Variants in GPC6 observed in about 807,000 individuals in gnomAD.
The protein encoded by GPC6 is glypican 6, also known as glypican-6.
GPC6 carries 14 observed loss-of-function variants against 55.2 expected under a neutral mutation model. That is an observed-to-expected ratio of 0.25 (90% CI 0.17 to 0.40). GPC6 has a LOEUF of 0.40. Among genes scored for constraint, GPC6 ranks in the 10% least tolerant of loss-of-function variants. The probability of loss-of-function intolerance (pLI) is 1.00; values close to 1 mark genes in which losing one functional copy is unlikely to be tolerated. For missense variants in GPC6, 641 were observed against 708.5 expected, an observed-to-expected ratio of 0.90 and a Z score of 1.08; for synonymous variants, 278 against 259.6, an observed-to-expected ratio of 1.07 and a Z score of -0.68.
At chr13:93,238,847 C>G (rs1377354048) in intron 1 of GPC6, among the ~76,000 whole-genome samples, 2 of 151,928 alleles carry the variant, frequency 1.3e-5, no homozygotes, top group Non-Finnish European at 2.9e-5. Flanking sequence ...GCTAAAATGA[C>G]CATATAGCTT....
chr13:93,302,985 A>G (rs747223808), intron 1 of GPC6, among the ~76,000 whole-genome samples: 4 of 152,234 alleles, frequency 2.6e-5, no homozygotes, highest in Admixed American at 6.5e-5. Context: ...AAAACAGAAC[A>G]TAAGCTAAAC....
At chr13:93,738,351 A>C (rs1201505114) in intron 2 of GPC6, among the ~76,000 whole-genome samples, 1 of 152,170 alleles carries the variant, frequency 6.6e-6, no homozygotes, top group African/African-American at 2.4e-5. Context: ...CGGGCTTGGT[A>C]AAATGATCAC....
intron 1 of GPC6, among the ~76,000 whole-genome samples, chr13:93,285,618 G>C (rs1042988773): frequency 1.8e-5 from 1 of 56,196 alleles, no homozygotes; most frequent in Non-Finnish European, 3.5e-5. Flanking sequence ...ATATACTGCT[G>C]TGTGTGTGTG....
At chr13:94,336,288 A>G (rs182717504) in intron 6 of GPC6, among the ~76,000 whole-genome samples, 1 of 152,294 alleles carries the variant, frequency 6.6e-6, no homozygotes, top group Admixed American at 6.5e-5. Flanking sequence ...CTGTTGAAAT[A>G]TGAACCAAGC....
chr13:94,024,536 C>T (rs1566302205), intron 3 of GPC6, among the ~76,000 whole-genome samples: 1 of 152,150 alleles, frequency 6.6e-6, no homozygotes. Context: ...AGCTTCGACT[C>T]TGATCCCCTG....
chr13:94,365,240 T>C (rs1161780665), intron 6 of GPC6, among the ~76,000 whole-genome samples: 1 of 152,226 alleles, frequency 6.6e-6, no homozygotes, highest in Non-Finnish European at 1.5e-5. Context: ...AGCTAAATCA[T>C]ACTCTTCTCT....
rs1278925493 is a variant in GPC6 at position 93,789,503 on chromosome 13, C to A, written c.320-40651C>A. On this transcript the variant is annotated intron_variant, in intron 2 of 8. Coordinates refer to ENST00000377047, the MANE Select transcript of GPC6 (RefSeq NM_005708.5). Reference sequence around the variant, plus strand: ...GTGAACTCTCTCTCTCTCTCTCTCTCTCTCTCTATATATATATATATATAT... The same window carrying A: ...GTGAACTCTCTCTCTCTCTCTCTCTATCTCTCTATATATATATATATATAT... 1.6e-3 allele frequency among the ~76,000 whole-genome samples: 124 copies of A among 78,532 alleles called. 1 individual carries two copies. In the East Asian group the frequency reaches 0.028, roughly 18 times the overall value. The allele number at this position is 78,532 out of a possible 152,430, so 51.5% of individuals were successfully genotyped here. A position where few individuals can be genotyped will look rare whatever the true frequency, so the allele number is the denominator to read the frequency against.
chr13:93,615,115 A>G (rs1878658039), intron 2 of GPC6, among the ~76,000 whole-genome samples: 1 of 152,136 alleles, frequency 6.6e-6, no homozygotes, highest in African/African-American at 2.4e-5. Flanking sequence ...TTTTTTCTCA[A>G]AAGTTTACTT....
At chr13:93,990,335 A>G (rs187383601) in intron 3 of GPC6, among the ~76,000 whole-genome samples, 2 of 152,204 alleles carry the variant, frequency 1.3e-5, no homozygotes, top group Non-Finnish European at 2.9e-5. Context: ...AGGAGCAAAG[A>G]AAGAAAAGTG....
At position 94,014,559 on chromosome 13, in the gene GPC6, G is replaced by A. The variant is rs1882383568; in HGVS notation, c.712-13170G>A. On this transcript the variant is annotated intron_variant, in intron 3 of 8. Transcript: ENST00000377047. ...TATAAAAGTTCACCCGTTTGTAGAGGCCAAGTTTTTAGTATATTTACGGTG... is the reference window on the plus strand; with the variant it reads ...TATAAAAGTTCACCCGTTTGTAGAGACCAAGTTTTTAGTATATTTACGGTG... Among the ~76,000 whole-genome samples, 6 of 151,988 alleles carry A rather than the reference G, an allele frequency of 3.9e-5. No homozygotes were observed. In the South Asian group the frequency reaches 1.2e-3, roughly 32 times the overall value.
At chr13:93,825,989 T>TAG (rs1230498835) in intron 2 of GPC6, among the ~76,000 whole-genome samples, 1 of 151,478 alleles carries the variant, frequency 6.6e-6, no homozygotes, top group African/African-American at 2.4e-5. Context: ...GCCTCCTGAG[T>TAG]AGCTGGGACT....
At chr13:93,276,953 T>G (rs1877776048) in intron 1 of GPC6, among the ~76,000 whole-genome samples, 1 of 152,166 alleles carries the variant, frequency 6.6e-6, no homozygotes, top group Non-Finnish European at 1.5e-5. Context: ...AAACCCTGTA[T>G]TTCGACAGTT....
intron 4 of GPC6, among the ~76,000 whole-genome samples, chr13:94,113,451 C>T (rs1886319890): frequency 1.3e-5 from 2 of 152,092 alleles, no homozygotes; most frequent in Admixed American, 6.6e-5. Flanking sequence ...CCAGCAACCC[C>T]CATTCACTCT....
At chr13:94,316,967 C>G (rs569331717) in intron 6 of GPC6, among the ~76,000 whole-genome samples, 3 of 152,138 alleles carry the variant, frequency 2.0e-5, no homozygotes, top group Non-Finnish European at 4.4e-5. Context: ...TTTAAAATCA[C>G]CAAGAATTCA....
At chr13:93,420,231 C>T (rs1594157254) in intron 1 of GPC6, among the ~76,000 whole-genome samples, 1 of 152,144 alleles carries the variant, frequency 6.6e-6, no homozygotes, top group Non-Finnish European at 1.5e-5. Flanking sequence ...ATCAAAGTTA[C>T]TTTTTCTGTT....
At chr13:93,811,269 A>G (rs1886686244) in intron 2 of GPC6, among the ~76,000 whole-genome samples, 1 of 152,250 alleles carries the variant, frequency 6.6e-6, no homozygotes, top group African/African-American at 2.4e-5. Flanking sequence ...AAGCACCCAG[A>G]GTGTGACAAA....
intron 3 of GPC6, among the ~76,000 whole-genome samples, chr13:93,874,847 C>T (rs1188527597): frequency 6.6e-6 from 1 of 151,848 alleles, no homozygotes; most frequent in Admixed American, 6.6e-5. Context: ...AGTTACATCT[C>T]CTCTACCATT....
intron 2 of GPC6, among the ~76,000 whole-genome samples, chr13:93,706,813 TGAG>T (rs1882862151): frequency 6.6e-6 from 1 of 151,934 alleles, no homozygotes; most frequent in South Asian, 2.1e-4. Context: ...CTCTTGCTCT[TGAG>T]GAGCTTACAG....
intron 1 of GPC6, among the ~76,000 whole-genome samples, chr13:93,399,061 GACACACACAC>G (rs35212206): frequency 6.6e-6 from 1 of 150,650 alleles, no homozygotes; most frequent in Admixed American, 6.6e-5. Flanking sequence ...CACACACACA[GACACACACAC>G]ACACACACAC....
Sources: gnomAD v4.1 joint callset for allele counts (sites outside exome capture counted in the v4.1 genomes callset) on GRCh38, gnomAD v4.1.1 for gene constraint, MANE v1.5 for transcripts, NCBI Gene and HGNC (gene_info 2026-07-23, HGNC 2026-07-21) for gene names.